The following GSE1 variants were observed in gnomAD, a reference collection of about 807,000 sequenced individuals.
The protein encoded by GSE1 is Gse1 coiled-coil protein, also known as genetic suppressor element 1.
In GSE1, 32 loss-of-function variants were observed where a neutral mutation model predicts 112.6. The ratio of observed to expected loss-of-function variants is 0.28; its 90% CI spans 0.21 to 0.38. The LOEUF (loss-of-function observed/expected upper bound fraction) is 0.38, where lower values mean the gene tolerates loss of function less well. GSE1 is among the 10% of genes least tolerant of loss of function. The probability of loss-of-function intolerance (pLI) is 1.00; values close to 1 mark genes in which losing one functional copy is unlikely to be tolerated. For synonymous variants in GSE1, 1,115 were observed against 735.6 expected (o/e 1.52, Z -8.35); for missense variants, 2,348 against 1,699.2 (o/e 1.38, Z -6.71).
At position 85,510,408 on chromosome 16, in the gene GSE1, G is replaced by GTGTGTGTGTGTC. The variant is rs2051699593; in HGVS notation, c.2465-123494_2465-123483dup. Reference sequence around the variant, plus strand: ...GCCCAGGACCAGGGCCCGAGCGTGCGTGTGTGTGTGTCTGTGTGTGTGTGT... The same window carrying GTGTGTGTGTGTC: ...GCCCAGGACCAGGGCCCGAGCGTGCGTGTGTGTGTGTCTGTGTGTGTGTCTGTGTGTGTGTGT... On this transcript the variant is annotated intron_variant, in intron 2 of 2. Transcript: ENST00000637419. 3.8e-4 allele frequency among the ~76,000 whole-genome samples: 13 copies of GTGTGTGTGTGTC among 34,112 alleles called. No homozygotes were observed. The South Asian group carries it at 0.018, about 46-fold the overall frequency. The allele number at this position is 34,112 out of a possible 152,430, so 22.4% of individuals were successfully genotyped here. A position where few individuals can be genotyped will look rare whatever the true frequency, so the allele number is the denominator to read the frequency against.
chr16:85,656,200 C>A, intron 6 of GSE1, 143 bp from the exon 7 acceptor site: 2 of 1,034,140 alleles, frequency 1.9e-6, no homozygotes, highest in Non-Finnish European at 2.8e-6. Flanking sequence ...GTTCTTCCTG[C>A]ACCAGTGAAA....
intron 2 of GSE1, among the ~76,000 whole-genome samples, chr16:85,375,370 C>T (rs1190007387): frequency 2.6e-5 from 4 of 152,130 alleles, no homozygotes; most frequent in African/African-American, 7.2e-5. Context: ...TGAGCAGGAC[C>T]GCAGCCATGA....
At chr16:85,394,225 G>A (rs1221333255) in intron 2 of GSE1, among the ~76,000 whole-genome samples, 1 of 152,196 alleles carries the variant, frequency 6.6e-6, no homozygotes, top group Non-Finnish European at 1.5e-5. Context: ...GGGGGCCGGG[G>A]AGCGAGGTCA....
intron 2 of GSE1, among the ~76,000 whole-genome samples, chr16:85,485,903 A>G (rs1328624267): frequency 6.6e-6 from 1 of 152,180 alleles, no homozygotes; most frequent in Non-Finnish European, 1.5e-5. Context: ...ACACACACAG[A>G]GAGGGAGCAC....
chr16:85,243,130 C>A (rs1234288830), intron 1 of GSE1, among the ~76,000 whole-genome samples: 1 of 152,238 alleles, frequency 6.6e-6, no homozygotes, highest in Non-Finnish European at 1.5e-5. Flanking sequence ...GAGTAACATG[C>A]AGCCCCCGAG....
chr16:85,635,138 C>CT (rs2049881268), intron 2 of GSE1, among the ~76,000 whole-genome samples: 1 of 152,186 alleles, frequency 6.6e-6, no homozygotes, highest in Admixed American at 6.5e-5. Context: ...CCAGGGCGGG[C>CT]TGGGGGGACT....
At chr16:85,463,860 G>A (rs901102057) in intron 2 of GSE1, among the ~76,000 whole-genome samples, 2 of 152,138 alleles carry the variant, frequency 1.3e-5, no homozygotes. Flanking sequence ...GCTGGCGGTG[G>A]GCCACTGAGG....
Position 85,656,359 on chromosome 16 carries a change from G to T in GSE1, c.1006G>T (p.Glu336Ter). 6.2e-7 allele frequency: 1 copy of T among 1,611,968 alleles called. No homozygotes were observed. The highest frequency in any genetic ancestry group is 1.3e-5 in the African/African-American group (1 of 74,812). The change falls in exon 7 of 16, where the codon GAG (glutamate) becomes TAG (stop). Residue 336 changes from glutamate (E) to a stop codon, truncating the protein, a stop_gained. Coordinates refer to ENST00000253458, the MANE Select transcript of GSE1 (RefSeq NM_014615.5). LOFTEE classifies it high-confidence loss of function. ...GTGCTGCAGGCTGCAGATGGACGAG[G>T]AGCTAAGGCGGGAGAGGGAGCGCGA... Reference protein sequence around the residue: ...LSAERLQMDEELRRERERERE... With the variant: ...LSAERLQMDE
At chr16:85,502,677 G>T (rs1394016946) in intron 2 of GSE1, among the ~76,000 whole-genome samples, 5 of 152,218 alleles carry the variant, frequency 3.3e-5, no homozygotes, top group Admixed American at 6.5e-5. Context: ...AGGGTCAGAG[G>T]CAAGGCTACC....
At chr16:85,443,603 C>G (rs1034233793) in intron 2 of GSE1, among the ~76,000 whole-genome samples, 1 of 150,770 alleles carries the variant, frequency 6.6e-6, no homozygotes, top group Non-Finnish European at 1.5e-5. Context: ...AGCATAGGTT[C>G]AGATGCTTCC....
At chr16:85,186,438 A>G (rs2074703246) in intron 1 of GSE1, among the ~76,000 whole-genome samples, 1 of 147,146 alleles carries the variant, frequency 6.8e-6, no homozygotes, top group South Asian at 2.1e-4. Flanking sequence ...CCCCATCTCT[A>G]CTAAAAATAC....
chr16:85,635,987 C>G (rs1334894152), intron 2 of GSE1, among the ~76,000 whole-genome samples: 1 of 152,382 alleles, frequency 6.6e-6, no homozygotes, highest in East Asian at 1.9e-4. Flanking sequence ...GCTGCTGGCC[C>G]CAGCACTTGG....
intron 2 of GSE1, among the ~76,000 whole-genome samples, chr16:85,636,829 A>G (rs188175011): frequency 1.9e-3 from 289 of 152,234 alleles, no homozygotes; most frequent in Non-Finnish European, 2.5e-3. Flanking sequence ...AAAAGGGTCT[A>G]TGCCTGGCTG....
intron 1 of GSE1, among the ~76,000 whole-genome samples, chr16:85,323,442 T>C (rs2046158501): frequency 6.6e-6 from 1 of 152,004 alleles, no homozygotes; most frequent in Non-Finnish European, 1.5e-5. Context: ...CAAGGTGAGC[T>C]GAATTCTGGA....
chr16:85,216,821 G>T (rs887269913), intron 1 of GSE1, among the ~76,000 whole-genome samples: 1 of 152,226 alleles, frequency 6.6e-6, no homozygotes, highest in Non-Finnish European at 1.5e-5. Context: ...TATAGCACTT[G>T]CTGCTCAAAC....
chr16:85,453,068 G>T lies in GSE1; in HGVS notation c.2464+95425G>T, dbSNP rs138473758. Reference sequence around the variant, plus strand: ...GACACCAGGATTTTGTGTGATCTTGGATAGATGAGTCACGGAAGCTCCTGG... The same window carrying T: ...GACACCAGGATTTTGTGTGATCTTGTATAGATGAGTCACGGAAGCTCCTGG... On this transcript the variant is annotated intron_variant, in intron 2 of 2. Transcript: ENST00000637419. Among the ~76,000 whole-genome samples the T allele has an allele frequency of 7.3e-3, 1,111 of 152,330 alleles. 14 individuals are homozygous for T. Among genetic ancestry groups the T allele is most frequent in the African/African-American group, 0.025 (1,051 of 41,566 alleles).
At chr16:85,171,042 C>A (rs1228804339) in exon 1 of GSE1, 5 of 985,642 alleles carry the variant, frequency 5.1e-6, no homozygotes, top group African/African-American at 1.7e-5. Flanking sequence ...ACGCCAGGAG[C>A]GCCATGCATT....
chr16:85,217,236 C>T (rs777211960), intron 1 of GSE1, among the ~76,000 whole-genome samples: 2 of 152,142 alleles, frequency 1.3e-5, no homozygotes, highest in East Asian at 1.9e-4. Context: ...CACATTGGGA[C>T]GATGGGGGAA....
At chr16:85,170,414 C>T (rs981979040) in exon 1 of GSE1, 6 of 985,564 alleles carry the variant, frequency 6.1e-6, no homozygotes, top group Non-Finnish European at 7.2e-6. Context: ...GGGCCTCCCT[C>T]TGGCAGAGCC....
Sources: allele counts gnomAD v4.1 joint callset (sites outside exome capture counted in the v4.1 genomes callset), GRCh38; gene constraint gnomAD v4.1.1; transcripts MANE v1.5; gene names NCBI Gene and HGNC (gene_info 2026-07-23, HGNC 2026-07-21).